Variants in ADGRG3 observed in about 807,000 individuals in gnomAD.
The protein encoded by ADGRG3 is adhesion G protein-coupled receptor G3.
A neutral mutation model predicts 54.3 loss-of-function variants in ADGRG3; 39 were observed. The observed-to-expected ratio is 0.72, with a 90% confidence interval of 0.56 to 0.94. ADGRG3 has a LOEUF of 0.94. Ranked by LOEUF, ADGRG3 falls within the 40% of genes least tolerant of loss-of-function variation. The pLI is 0.00. For synonymous variants in ADGRG3, 312 were observed against 290.0 expected (o/e 1.08, Z -0.77); for missense variants, 654 against 694.6 (o/e 0.94, Z 0.66).
chr16:57,686,418 T>C (rs1337104492), intron 11 of ADGRG3, among the ~76,000 whole-genome samples: 1 of 152,032 alleles, frequency 6.6e-6, no homozygotes, highest in East Asian at 1.9e-4. Context: ...GAGGATCCGC[T>C]CCAAGGATCC....
chr16:57,678,256 C>T lies in ADGRG3; in HGVS notation c.432C>T (p.Asn144=). ...PKSLFRSLPG[N]RSVVRLAVTI... is the part of the protein sequence containing the mutation. ...GCCTTTTTCGATCCCTGCCAGGCAACAGGTCTGTGGTCCGCTTGGCCGTCA... is the reference window on the plus strand; with the variant it reads ...GCCTTTTTCGATCCCTGCCAGGCAATAGGTCTGTGGTCCGCTTGGCCGTCA... Residue 144 remains asparagine (N), a synonymous_variant, in exon 4 of 12, where the codon AAC becomes AAT. Transcript: ENST00000333493. 6.2e-7 allele frequency: 1 copy of T among 1,614,198 alleles called. No individual in the cohort carries two copies. The highest frequency in any genetic ancestry group is 8.5e-7 in the Non-Finnish European group (1 of 1,180,016).
intron 8 of ADGRG3, chr16:57,682,720 A>G: frequency 3.8e-6 from 3 of 786,132 alleles, no homozygotes; most frequent in Non-Finnish European, 4.6e-6. Flanking sequence ...CTAAGAATTC[A>G]GAGTGGGGGC....
chr16:57,680,688 G>A (rs2048352233), intron 8 of ADGRG3, 71 bp downstream of exon 8: 2 of 1,055,764 alleles, frequency 1.9e-6, no homozygotes, highest in Non-Finnish European at 2.9e-6. Flanking sequence ...AGGGTGGGAA[G>A]CATTCAGGTT....
At chr16:57,667,672 G>A (rs747930431), upstream of ADGRG3, among the ~76,000 whole-genome samples, 2 of 152,138 alleles carry the variant, frequency 1.3e-5, no homozygotes, top group Non-Finnish European at 2.9e-5. Flanking sequence ...CCCCGGGGCC[G>A]CACTGCTGTC....
rs767941451 is a variant in ADGRG3, at chr16:57,678,242, T to C, written c.418T>C (p.Ser140Pro). Residue 140 changes from serine to proline, a missense_variant, in exon 4 of 12, where the codon TCC becomes CCC. By Grantham distance (74) the Ser-to-Pro change is moderately conservative. Coordinates refer to ENST00000333493, the MANE Select transcript of ADGRG3 (RefSeq NM_170776.5). Reference sequence around the variant, plus strand: ...GCGACTTCCCAAGAGCCTTTTTCGATCCCTGCCAGGCAACAGGTCTGTGGT... The same window carrying C: ...GCGACTTCCCAAGAGCCTTTTTCGACCCCTGCCAGGCAACAGGTCTGTGGT... ...RVRLPKSLFR[S>P]LPGNRSVVRL... 4.3e-6 allele frequency: 7 copies of C among 1,614,176 alleles called. No homozygotes were observed. The highest frequency in any genetic ancestry group is 5.9e-6 in the Non-Finnish European group (7 of 1,180,006).
Position 57,678,314 on chromosome 16 carries a change from A to C in ADGRG3, c.490A>C (p.Lys164Gln). The C allele has an allele frequency of 6.2e-7, 1 of 1,614,120 alleles. No individual in the cohort carries two copies. Among genetic ancestry groups the C allele is most frequent in the Non-Finnish European group, 8.5e-7 (1 of 1,179,978 alleles). The change falls in exon 4 of 12, where the codon AAG (lysine) becomes CAG (glutamine). Residue 164 changes from lysine (K) to glutamine (Q), a missense_variant and splice_region_variant. Transcript: ENST00000333493. Reference protein sequence around the residue: ...ILDIGPGTLFKGPRLGLGDGS... With the variant: ...ILDIGPGTLFQGPRLGLGDGS... The stretch of plus-strand genomic sequence containing the variant: ...GGACATTGGTCCAGGGACTCTCTTC[A>C]AGGTGAGGACTCAGGGAAGCTCCAA...
rs1372566789 is a variant in ADGRG3 at position 57,684,491 on chromosome 16, G to A, written c.1256+8G>A. 1.2e-6 allele frequency: 2 copies of A among 1,607,052 alleles called. No individual in the cohort carries two copies. Among genetic ancestry groups the A allele is most frequent in the Non-Finnish European group, 1.7e-6 (2 of 1,173,954 alleles). Reference sequence around the variant, plus strand: ...CCGCACCTCTCTGGAGCTGTGAGTGGCGGCTGTGGGAGCAGGGGTGATGCC... The same window carrying A: ...CCGCACCTCTCTGGAGCTGTGAGTGACGGCTGTGGGAGCAGGGGTGATGCC... On this transcript the variant is annotated splice_region_variant and intron_variant, in intron 10 of 11. Transcript: ENST00000333493.
chr16:57,683,213 T>A (rs758426578), intron 8 of ADGRG3, among the ~76,000 whole-genome samples: 4 of 151,928 alleles, frequency 2.6e-5, no homozygotes, highest in Non-Finnish European at 5.9e-5. Flanking sequence ...ATTCCAGGTG[T>A]TTTTTTTCTT....
intron 3 of ADGRG3, among the ~76,000 whole-genome samples, chr16:57,676,784 G>A (rs1327191116): frequency 1.3e-5 from 2 of 152,256 alleles, no homozygotes; most frequent in African/African-American, 4.8e-5. Flanking sequence ...AGGATGGCTT[G>A]AGGCCAGGAG....
At chr16:57,674,385 T>C (rs4784841) in intron 2 of ADGRG3, among the ~76,000 whole-genome samples, 56,091 of 152,112 alleles carry the variant, frequency 0.37, 10,743 homozygotes, top group Middle Eastern at 0.48. Flanking sequence ...TCTCTGCCTC[T>C]CTTTCCTTTT....
At chr16:57,672,894 G>A (rs969197209) in intron 1 of ADGRG3, among the ~76,000 whole-genome samples, 1 of 152,176 alleles carries the variant, frequency 6.6e-6, no homozygotes, top group African/African-American at 2.4e-5. Flanking sequence ...TAGTGTGAAT[G>A]TGGGAGAATG....
chr16:57,675,562 C>T (rs1226215425), intron 2 of ADGRG3, among the ~76,000 whole-genome samples: 3 of 152,130 alleles, frequency 2.0e-5, no homozygotes, highest in Non-Finnish European at 2.9e-5. Flanking sequence ...ACCCGGGAGG[C>T]GGAGGTTGCA....
chr16:57,676,641 G>A (rs1327215433), intron 3 of ADGRG3, among the ~76,000 whole-genome samples: 4 of 152,184 alleles, frequency 2.6e-5, no homozygotes, highest in Non-Finnish European at 4.4e-5. Context: ...TTGTGATCAT[G>A]GGCAAATTAC....
intron 2 of ADGRG3, among the ~76,000 whole-genome samples, chr16:57,675,942 T>TA (rs1203264716): frequency 6.6e-6 from 1 of 152,176 alleles, no homozygotes; most frequent in African/African-American, 2.4e-5. Context: ...TTAAAATGGT[T>TA]AAAATGGTAA....
chr16:57,680,494 G>T lies in ADGRG3; in HGVS notation c.769-11G>T. 1 of 1,610,038 alleles carries T rather than the reference G, an allele frequency of 6.2e-7. No homozygotes were observed. Among genetic ancestry groups the T allele is most frequent in the Non-Finnish European group, 8.5e-7 (1 of 1,176,414 alleles). Reference sequence around the variant, plus strand: ...CAACTGACGTGGTCCCGGTTCTGGGGTCACCCACAGAGACCCACCTTGGAC... The same window carrying T: ...CAACTGACGTGGTCCCGGTTCTGGGTTCACCCACAGAGACCCACCTTGGAC... On this transcript the variant is annotated splice_polypyrimidine_tract_variant and intron_variant, in intron 7 of 11. Coordinates refer to ENST00000333493, the MANE Select transcript of ADGRG3 (RefSeq NM_170776.5).
At chr16:57,682,598 C>T (rs1597776408) in intron 8 of ADGRG3, 1 of 985,490 alleles carries the variant, frequency 1.0e-6, no homozygotes, top group Non-Finnish European at 1.2e-6. Context: ...TTACCACCAG[C>T]TCCCCAGGGT....
chr16:57,685,553 C>A, intron 10 of ADGRG3, 90 bp from the exon 11 acceptor site: 1 of 1,311,886 alleles, frequency 7.6e-7, no homozygotes, highest in Non-Finnish European at 1.1e-6. Context: ...GAGGCACCTT[C>A]ACAGACAGAA....
intron 3 of ADGRG3, 89 bp downstream of exon 3, chr16:57,676,427 A>G: frequency 7.8e-7 from 1 of 1,276,550 alleles, no homozygotes; most frequent in Middle Eastern, 2.0e-4. Flanking sequence ...ATATCCTGTG[A>G]TATAACTAGG....
At chr16:57,666,227 G>T (rs530526659), upstream of ADGRG3, among the ~76,000 whole-genome samples, 1 of 152,118 alleles carries the variant, frequency 6.6e-6, no homozygotes, top group Non-Finnish European at 1.5e-5. Context: ...TTCCAGAATG[G>T]GGGGGAAATG....
Sources: allele counts gnomAD v4.1 joint callset (sites outside exome capture counted in the v4.1 genomes callset), GRCh38; gene constraint gnomAD v4.1.1; transcripts MANE v1.5; gene names NCBI Gene and HGNC (gene_info 2026-07-23, HGNC 2026-07-21).